The following CLNK variants were observed in gnomAD, a reference collection of about 807,000 sequenced individuals.
CLNK encodes cytokine-dependent hematopoietic cell linker.
In CLNK, 74 loss-of-function variants were observed where a neutral mutation model predicts 68.6. The observed-to-expected ratio is 1.08, with a 90% CI of 0.89 to 1.31. The LOEUF (loss-of-function observed/expected upper bound fraction) is 1.31. Ranked by LOEUF, CLNK falls within the 50% of genes most tolerant of loss-of-function variation. CLNK has a pLI of 0.00. For synonymous variants in CLNK, 198 were observed against 172.2 expected (o/e 1.15, Z -1.17); for missense variants, 553 against 515.3 (o/e 1.07, Z -0.71).
chr4:10,602,743 GA>G (rs1467188412), intron 2 of CLNK, among the ~76,000 whole-genome samples: 1 of 152,140 alleles, frequency 6.6e-6, no homozygotes, highest in Non-Finnish European at 1.5e-5. Context: ...CCCAAGAGAC[GA>G]AAAAATGAAT....
At chr4:10,590,197 G>C (rs1239620409) in intron 3 of CLNK, among the ~76,000 whole-genome samples, 2 of 152,130 alleles carry the variant, frequency 1.3e-5, no homozygotes, top group African/African-American at 2.4e-5. Flanking sequence ...TTTTAATTCT[G>C]AATTATTTTT....
chr4:10,612,695 C>T (rs1722077624), intron 2 of CLNK, among the ~76,000 whole-genome samples: 1 of 152,166 alleles, frequency 6.6e-6, no homozygotes, highest in South Asian at 2.1e-4. Context: ...TGCTGATGAG[C>T]TCTGGGGTGT....
intron 2 of CLNK, among the ~76,000 whole-genome samples, chr4:10,641,574 A>G (rs1343202232): frequency 6.6e-6 from 1 of 152,222 alleles, no homozygotes; most frequent in African/African-American, 2.4e-5. Context: ...GTATTCCCCC[A>G]GTTGCTGGGA....
the CLNK span, among the ~76,000 whole-genome samples, chr4:10,707,038 T>TC: frequency 0.8 from 121,638 of 151,920 alleles, 49,036 homozygotes; most frequent in Admixed American, 0.86. Flanking sequence ...TGCTTAGGCC[T>TC]CCAAAGTGCT....
chr4:10,539,316 G>A (rs766924107), intron 11 of CLNK, among the ~76,000 whole-genome samples: 5 of 152,132 alleles, frequency 3.3e-5, no homozygotes, highest in Admixed American at 6.5e-5. Context: ...AGAGACATTC[G>A]CCACAGAAGG....
chr4:10,667,978 C>G, intron 1 of CLNK, 67 bp from the exon 2 acceptor site: 1 of 844,220 alleles, frequency 1.2e-6, no homozygotes. Flanking sequence ...GGGAACAAGC[C>G]ACTGTTGCTG....
intron 8 of CLNK, among the ~76,000 whole-genome samples, chr4:10,553,070 C>T (rs186352678): frequency 7.2e-5 from 11 of 151,982 alleles, no homozygotes; most frequent in Admixed American, 3.3e-4. Context: ...CATGCAGGGG[C>T]GGAAGCATTT....
At chr4:10,733,125 C>G in the CLNK span, among the ~76,000 whole-genome samples, 1 of 152,080 alleles carries the variant, frequency 6.6e-6, no homozygotes. Flanking sequence ...TTTTATTTCC[C>G]CTATCCCCAG....
intron 1 of CLNK, among the ~76,000 whole-genome samples, chr4:10,681,840 C>T (rs920972775): frequency 5.3e-5 from 8 of 152,124 alleles, no homozygotes; most frequent in Admixed American, 1.3e-4. Context: ...CTATTCATTG[C>T]ATGAAATGGA....
chr4:10,699,512 A>ATATATATATATT, the CLNK span, among the ~76,000 whole-genome samples: 7 of 32,762 alleles, frequency 2.1e-4, no homozygotes, highest in African/African-American at 6.9e-4. Flanking sequence ...ATATATATAT[A>ATATATATATATT]TTTTTTTTTT....
At chr4:10,624,032 C>A (rs916338184) in intron 2 of CLNK, among the ~76,000 whole-genome samples, 1 of 152,178 alleles carries the variant, frequency 6.6e-6, no homozygotes, top group Non-Finnish European at 1.5e-5. Context: ...GTCCCAGTGA[C>A]GGCAACAACC....
chr4:10,720,407 T>A, the CLNK span, among the ~76,000 whole-genome samples: 1 of 151,790 alleles, frequency 6.6e-6, no homozygotes, highest in African/African-American at 2.4e-5. Context: ...ATGAAAAAAA[T>A]TAAATTAGAA....
At chr4:10,499,342 C>A (rs1716941484) in intron 18 of CLNK, among the ~76,000 whole-genome samples, 1 of 152,196 alleles carries the variant, frequency 6.6e-6, no homozygotes, top group African/African-American at 2.4e-5. Flanking sequence ...CTGTGCAGAA[C>A]TAAAATTGCT....
the CLNK span, among the ~76,000 whole-genome samples, chr4:10,728,149 G>A: frequency 1.3e-5 from 2 of 152,126 alleles, no homozygotes; most frequent in Non-Finnish European, 2.9e-5. Context: ...CCTACAGTGC[G>A]AGGGGCAGCC....
intron 2 of CLNK, among the ~76,000 whole-genome samples, chr4:10,654,879 G>T (rs1267216522): frequency 6.6e-6 from 1 of 152,074 alleles, no homozygotes; most frequent in Admixed American, 6.5e-5. Flanking sequence ...GAGGCGGGCG[G>T]ATCACTAGGT....
At chr4:10,497,384 A>G (rs1397553747) in intron 18 of CLNK, among the ~76,000 whole-genome samples, 3 of 152,334 alleles carry the variant, frequency 2.0e-5, no homozygotes, top group Admixed American at 1.3e-4. Context: ...TCACCTGTGG[A>G]AATGTATGTT....
chr4:10,679,769 C>T (rs1301442703), intron 1 of CLNK, among the ~76,000 whole-genome samples: 2 of 152,172 alleles, frequency 1.3e-5, no homozygotes, highest in Non-Finnish European at 2.9e-5. Context: ...TGAAAATATG[C>T]TCATCATCAC....
At chr4:10,666,062 G>A (rs112796986) in intron 2 of CLNK, among the ~76,000 whole-genome samples, 2 of 152,188 alleles carry the variant, frequency 1.3e-5, no homozygotes, top group Non-Finnish European at 1.5e-5. Flanking sequence ...AGAAGGTCAT[G>A]TGAAATGGAG....
chr4:10,631,197 A>T (rs141226818), intron 2 of CLNK, among the ~76,000 whole-genome samples: 51 of 152,316 alleles, frequency 3.3e-4, no homozygotes, highest in African/African-American at 1.2e-3. Flanking sequence ...TACAGGTTCT[A>T]GGCAGAGTCT....
Sources: gnomAD v4.1 joint callset for allele counts (sites outside exome capture counted in the v4.1 genomes callset) on GRCh38, gnomAD v4.1.1 for gene constraint, MANE v1.5 for transcripts, NCBI Gene and HGNC (gene_info 2026-07-23, HGNC 2026-07-21) for gene names.